C3orf20: variants seen among roughly 807,000 people sequenced by gnomAD.
The protein encoded by C3orf20 is family with sequence similarity 149 member C.
Under a neutral mutation model 88.3 loss-of-function variants are expected in C3orf20, and 76 were observed. That is an observed-to-expected ratio of 0.86 (90% CI 0.72 to 1.04). The LOEUF (loss-of-function observed/expected upper bound fraction) is 1.04, where lower values mean the gene tolerates loss of function less well. Ranked by LOEUF, C3orf20 falls within the 50% of genes least tolerant of loss-of-function variation. The pLI, the probability that C3orf20 is intolerant of heterozygous loss-of-function variation, is 0.00. For missense variants in C3orf20, 1,056 were observed against 1,123.3 expected (o/e 0.94, Z 0.86); for synonymous variants, 436 against 437.4 (o/e 1.00, Z 0.04).
chr3:14,717,522 G>T, intron 9 of C3orf20, among the ~76,000 whole-genome samples: 1 of 152,178 alleles, frequency 6.6e-6, no homozygotes, highest in East Asian at 1.9e-4. Context: ...AGTGCTTCTT[G>T]TAAAAGACAG....
chr3:14,761,367 G>C, intron 14 of C3orf20, 106 bp from the exon 15 acceptor site: 1 of 1,342,024 alleles, frequency 7.5e-7, no homozygotes, highest in Non-Finnish European at 1.1e-6. Flanking sequence ...AGCTCTGAGA[G>C]GCCTGTGGCG....
chr3:14,727,775 A>G (rs1456887745), intron 11 of C3orf20, among the ~76,000 whole-genome samples: 2 of 151,670 alleles, frequency 1.3e-5, no homozygotes, highest in Non-Finnish European at 2.9e-5. Context: ...TTTTTTTTCC[A>G]CACAAGTGAA....
chr3:14,728,006 A>G (rs2034413139), intron 11 of C3orf20, among the ~76,000 whole-genome samples: 1 of 152,214 alleles, frequency 6.6e-6, no homozygotes, highest in African/African-American at 2.4e-5. Flanking sequence ...TAGTAGGGAA[A>G]GCAAGACAAG....
At position 14,682,905 on chromosome 3, in the gene C3orf20, C is replaced by T. The variant is rs114415893; in HGVS notation, c.192C>T (p.Ser64=). The T allele has an allele frequency of 6.7e-4, 1,079 of 1,614,136 alleles. 10 individuals carry two copies. The African/African-American group carries it at 0.013, about 20-fold the overall frequency. ...LISDPSVPTP[S]DILGLEVSFG... is the part of the protein sequence containing the mutation. ...GTGACCCTTCAGTGCCTACCCCGTC[C>T]GACATCTTGGGCCTGGAGGTCAGCT... The change falls in exon 3 of 17, where the codon TCC becomes TCT. Residue 64 remains serine (S), a synonymous_variant. Transcript: ENST00000253697.
chr3:14,722,276 A>G (rs774872079), intron 10 of C3orf20: 55 of 348,536 alleles, frequency 1.6e-4, no homozygotes, highest in Non-Finnish European at 2.5e-4. Context: ...TAAACACTCC[A>G]GTAGAAATGC....
intron 12 of C3orf20, among the ~76,000 whole-genome samples, chr3:14,746,302 T>C (rs1400889384): frequency 6.6e-6 from 1 of 152,174 alleles, no homozygotes; most frequent in East Asian, 1.9e-4. Context: ...CAAACTCTGA[T>C]TGATGAGTGA....
Position 14,682,985 on chromosome 3 carries a change from TGAA to T in C3orf20, c.277_279del (p.Lys93del). 6.2e-7 allele frequency: 1 copy of T among 1,613,190 alleles called. No homozygotes were observed. Among genetic ancestry groups the T allele is most frequent in the East Asian group, 2.2e-5 (1 of 44,860 alleles). On this transcript the variant is annotated inframe_deletion, in exon 3 of 17. Coordinates refer to ENST00000253697, the MANE Select transcript of C3orf20 (RefSeq NM_032137.5). ...CCCACCTTTGTGCAGGTCCCCACACTGAAGAAGCCACTACCTCCACCACCACCA... is the reference window on the plus strand; with the variant it reads ...CCCACCTTTGTGCAGGTCCCCACACTGAAGCCACTACCTCCACCACCACCA...
rs1389553095 is a variant in C3orf20, at chr3:14,772,147, C to T, written c.2576C>T (p.Ser859Phe). 3 of 1,614,206 alleles carry T rather than the reference C, an allele frequency of 1.9e-6. No individual in the cohort carries two copies. The highest frequency in any genetic ancestry group is 8.5e-7 in the Non-Finnish European group (1 of 1,180,038). Residue 859 changes from serine (S) to phenylalanine (F), a missense_variant, in exon 16 of 17, where the codon TCC (serine) becomes TTC (phenylalanine). Physicochemically the swap from Ser to Phe is radical, Grantham distance 155 (BLOSUM62 -2). Transcript: ENST00000253697. The surrounding 1 kb of genome is among the most constrained non-coding windows in gnomAD (Gnocchi z 4.2). ...TCAGAAGATATCCAAGGAAGCAGCT[C>T]CTCATTGGCCCTGGAAGACTATGTG... ...AESEDIQGSS[S>F]SLALEDYVEK...
Position 14,773,029 on chromosome 3 carries a change from A to C in C3orf20, c.*154A>C. On this transcript the variant is annotated 3_prime_UTR_variant, in exon 17 of 17. Coordinates refer to ENST00000253697, the MANE Select transcript of C3orf20 (RefSeq NM_032137.5). ...CAGCATTGGGGTGAGGCTCTGGGGA[A>C]GGACAGACCCAGCTCATTCTGTCTT... 1 of 637,276 alleles carries C rather than the reference A, an allele frequency of 1.6e-6. No homozygotes were observed. Among genetic ancestry groups the C allele is most frequent in the Non-Finnish European group, 2.8e-6 (1 of 351,468 alleles). The allele number at this position is 637,276 out of a possible 1,614,324, so 39.5% of individuals were successfully genotyped here.
chr3:14,681,671 G>A (rs1004846847), intron 1 of C3orf20, among the ~76,000 whole-genome samples: 1 of 152,174 alleles, frequency 6.6e-6, no homozygotes, highest in Admixed American at 6.6e-5. Context: ...AATCATTTTT[G>A]TGTAGCATAA....
At chr3:14,679,803 A>G (rs1436777490) in intron 1 of C3orf20, among the ~76,000 whole-genome samples, 5 of 152,252 alleles carry the variant, frequency 3.3e-5, no homozygotes, top group African/African-American at 7.2e-5. Flanking sequence ...AGCAATAAAC[A>G]TAGGTTATCT....
At chr3:14,764,759 G>C (rs889359059) in intron 15 of C3orf20, among the ~76,000 whole-genome samples, 1 of 152,126 alleles carries the variant, frequency 6.6e-6, no homozygotes, top group Admixed American at 6.5e-5. Flanking sequence ...ATGGTGGCTG[G>C]GTTCCAAGAG....
intron 5 of C3orf20, among the ~76,000 whole-genome samples, chr3:14,692,499 A>G (rs1422911891): frequency 6.6e-6 from 1 of 152,186 alleles, no homozygotes; most frequent in Non-Finnish European, 1.5e-5. Context: ...ACTATCAGTG[A>G]TGTTGGGCAC....
At chr3:14,725,725 A>T (rs2034323238) in intron 10 of C3orf20, among the ~76,000 whole-genome samples, 1 of 152,204 alleles carries the variant, frequency 6.6e-6, no homozygotes, top group Admixed American at 6.5e-5. Flanking sequence ...AGGAAATCTG[A>T]TACTGCCCAC....
intron 12 of C3orf20, among the ~76,000 whole-genome samples, chr3:14,729,099 A>G (rs1041344102): frequency 1.3e-4 from 20 of 152,192 alleles, no homozygotes; most frequent in Non-Finnish European, 2.9e-4. Flanking sequence ...TTCACATATC[A>G]TCTACAGCCA....
intron 7 of C3orf20, 123 bp from the exon 8 acceptor site, chr3:14,713,884 T>C (rs112688343): frequency 9.7e-7 from 1 of 1,030,392 alleles, no homozygotes; most frequent in South Asian, 1.6e-5. Context: ...AAGGAGGGTG[T>C]TTGAAGATGG....
intron 12 of C3orf20, among the ~76,000 whole-genome samples, chr3:14,756,367 G>C (rs1046745248): frequency 6.6e-6 from 1 of 151,964 alleles, no homozygotes; most frequent in African/African-American, 2.4e-5. Flanking sequence ...AATCTCTGTT[G>C]AATCTTTACT....
intron 12 of C3orf20, among the ~76,000 whole-genome samples, chr3:14,756,747 G>A (rs909510400): frequency 1.3e-5 from 2 of 152,234 alleles, no homozygotes; most frequent in African/African-American, 2.4e-5. Context: ...GAGAGTAAGA[G>A]ATGTAAGGAG....
intron 12 of C3orf20, among the ~76,000 whole-genome samples, chr3:14,747,007 C>A (rs1239277899): frequency 1.3e-5 from 2 of 152,206 alleles, no homozygotes; most frequent in African/African-American, 4.8e-5. Flanking sequence ...TGGGTGAGAA[C>A]TGTTGTAGCC....
Sources: allele counts gnomAD v4.1 joint callset (sites outside exome capture counted in the v4.1 genomes callset), GRCh38; gene constraint gnomAD v4.1.1; non-coding constraint Gnocchi (gnomAD v3.1); transcripts MANE v1.5; gene names NCBI Gene and HGNC (gene_info 2026-07-23, HGNC 2026-07-21).